RBPJ: variants seen among roughly 807,000 people sequenced by gnomAD.
RBPJ encodes the protein recombination signal binding protein for immunoglobulin kappa J region.
Under a neutral mutation model 67.8 loss-of-function variants are expected in RBPJ, and 9 were observed. That is an observed-to-expected ratio of 0.13 (90% CI 0.08 to 0.23). RBPJ has a LOEUF of 0.23. RBPJ is among the 10% of genes least tolerant of loss of function. The pLI is 1.00. For synonymous variants in RBPJ, 198 were observed against 203.3 expected (o/e 0.97, Z 0.22); for missense variants, 305 against 595.6 (o/e 0.51, Z 5.08).
At chr4:26,202,912 C>A (rs1577467560) in intron 1 of RBPJ, among the ~76,000 whole-genome samples, 1 of 141,018 alleles carries the variant, frequency 7.1e-6, no homozygotes, top group East Asian at 2.1e-4. Flanking sequence ...ACCAGACTGT[C>A]AAAAAAAAAA....
At chr4:26,397,686 T>C (rs942140862) in intron 2 of RBPJ, among the ~76,000 whole-genome samples, 2 of 152,148 alleles carry the variant, frequency 1.3e-5, no homozygotes, top group Non-Finnish European at 2.9e-5. Context: ...CAGGCTGGAG[T>C]GCAGTGGCGC....
rs796140481 is a variant in RBPJ, at chr4:26,360,664, G to A, written c.21-25689G>A. On this transcript the variant is annotated intron_variant, in intron 1 of 10. Coordinates refer to ENST00000355476, the MANE Select transcript of RBPJ (RefSeq NM_015874.6). The stretch of plus-strand genomic sequence containing the variant: ...GCTGGAGTGTAGTTGTGTGATCTCA[G>A]CTCACTGCAACCTCTGCTTCCCAGG... 4.7e-5 allele frequency among the ~76,000 whole-genome samples: 7 copies of A among 149,038 alleles called. No homozygotes were observed. In the South Asian group the frequency reaches 1.3e-3, roughly 27 times the overall value.
At chr4:26,398,297 C>T (rs1460937210) in intron 2 of RBPJ, among the ~76,000 whole-genome samples, 3 of 152,174 alleles carry the variant, frequency 2.0e-5, no homozygotes, top group Admixed American at 6.5e-5. Flanking sequence ...ACTCCCTCCA[C>T]TTACCCCTTG....
intron 2 of RBPJ, among the ~76,000 whole-genome samples, chr4:26,405,119 T>C (rs1392716072): frequency 6.6e-6 from 1 of 152,236 alleles, no homozygotes; most frequent in Non-Finnish European, 1.5e-5. Flanking sequence ...TTATCTCCTT[T>C]AATCCCCTCA....
At chr4:26,411,288 T>G (rs1312211845) in intron 3 of RBPJ, among the ~76,000 whole-genome samples, 1 of 151,766 alleles carries the variant, frequency 6.6e-6, no homozygotes, top group Non-Finnish European at 1.5e-5. Context: ...AAAGATGTAT[T>G]TAAGTTTTCT....
chr4:26,270,393 GA>G (rs1461638989), intron 1 of RBPJ, among the ~76,000 whole-genome samples: 1 of 58,040 alleles, frequency 1.7e-5, no homozygotes, highest in Non-Finnish European at 4.0e-5. Flanking sequence ...AAGAAAGAAA[GA>G]AAGAAAGAAA....
upstream of RBPJ, chr4:26,321,003 G>T (rs751531427): frequency 6.2e-7 from 1 of 1,613,742 alleles, no homozygotes; most frequent in Admixed American, 1.7e-5. Context: ...CGCGAGGGTT[G>T]GAGTTTTGGC....
At chr4:26,261,498 G>A (rs996410798) in intron 1 of RBPJ, among the ~76,000 whole-genome samples, 1 of 152,108 alleles carries the variant, frequency 6.6e-6, no homozygotes, top group African/African-American at 2.4e-5. Context: ...AGTAAATATC[G>A]GATAAAGGGG....
the RBPJ span, among the ~76,000 whole-genome samples, chr4:26,111,183 G>A: frequency 8.3e-4 from 125 of 150,876 alleles, no homozygotes; most frequent in African/African-American, 2.9e-3. Context: ...TACTGTCAGA[G>A]AAAGGTGATT....
chr4:26,289,631 C>T (rs1721602044), intron 1 of RBPJ, among the ~76,000 whole-genome samples: 1 of 150,518 alleles, frequency 6.6e-6, no homozygotes, highest in African/African-American at 2.5e-5. Flanking sequence ...GTTAATACCG[C>T]TTAACATTGT....
chr4:26,210,771 CTTTCTTTCT>C (rs1718387575), intron 1 of RBPJ, among the ~76,000 whole-genome samples: 1 of 68,570 alleles, frequency 1.5e-5, no homozygotes, highest in African/African-American at 5.5e-5. Flanking sequence ...TTCTTTCTTT[CTTTCTTTCT>C]TTCTTTCTTT....
intron 2 of RBPJ, among the ~76,000 whole-genome samples, chr4:26,401,699 T>TACAAA (rs1732824337): frequency 6.6e-6 from 1 of 152,130 alleles, no homozygotes; most frequent in Non-Finnish European, 1.5e-5. Context: ...CACAATGCAG[T>TACAAA]TACTGCTAAA....
intron 1 of RBPJ, among the ~76,000 whole-genome samples, chr4:26,329,251 C>G (rs1235006982): frequency 1.3e-5 from 2 of 152,146 alleles, no homozygotes; most frequent in Non-Finnish European, 2.9e-5. Context: ...CCTCAGACTC[C>G]CAAAGTGCTA....
intron 2 of RBPJ, among the ~76,000 whole-genome samples, chr4:26,393,728 A>T (rs1408317734): frequency 6.6e-6 from 1 of 152,040 alleles, no homozygotes; most frequent in African/African-American, 2.4e-5. Flanking sequence ...TTTAAAGAAT[A>T]TTCAAGTTAG....
chr4:26,177,269 G>T (rs565415030), intron 1 of RBPJ, among the ~76,000 whole-genome samples: 1 of 152,140 alleles, frequency 6.6e-6, no homozygotes, highest in Non-Finnish European at 1.5e-5. Context: ...GAGGACCAAG[G>T]AAAATGGTAT....
intron 1 of RBPJ, among the ~76,000 whole-genome samples, chr4:26,215,347 G>GA (rs746160310): frequency 1.6e-3 from 132 of 83,208 alleles, no homozygotes; most frequent in African/African-American, 7.3e-3. Flanking sequence ...GAGAAAGAAA[G>GA]AAAAAAAGAA....
intron 1 of RBPJ, among the ~76,000 whole-genome samples, chr4:26,182,516 CAG>C (rs1308924533): frequency 6.9e-6 from 1 of 145,770 alleles, no homozygotes; most frequent in East Asian, 2.0e-4. Flanking sequence ...TTGCCTGAGA[CAG>C]AGTCTTGCTC....
At chr4:26,139,763 A>G in the RBPJ span, among the ~76,000 whole-genome samples, 1 of 152,180 alleles carries the variant, frequency 6.6e-6, no homozygotes, top group East Asian at 1.9e-4. Flanking sequence ...CAAAGAGATG[A>G]GCGTCTTTGC....
upstream of RBPJ, among the ~76,000 whole-genome samples, chr4:26,163,155 A>T (rs1318431010): frequency 6.6e-6 from 1 of 152,218 alleles, no homozygotes; most frequent in Non-Finnish European, 1.5e-5. Context: ...GGTCAGGAAC[A>T]TCAAGGCAGT....
Sources: allele counts gnomAD v4.1 joint callset (sites outside exome capture counted in the v4.1 genomes callset), GRCh38; gene constraint gnomAD v4.1.1; transcripts MANE v1.5; gene names NCBI Gene and HGNC (gene_info 2026-07-23, HGNC 2026-07-21).